CCR5AS: variants seen among roughly 807,000 people sequenced by gnomAD.
CCR5AS encodes the protein CCR5 antisense RNA.
intron 1 of CCR5AS, among the ~76,000 whole-genome samples, chr3:46,395,050 A>G (rs1215537475): frequency 6.6e-6 from 1 of 152,184 alleles, no homozygotes; most frequent in Non-Finnish European, 1.5e-5. Flanking sequence ...TGCTCTCTCC[A>G]GAATATAGCA....
chr3:46,402,463 A>T (rs1427928022), intron 1 of CCR5AS, among the ~76,000 whole-genome samples: 1 of 152,234 alleles, frequency 6.6e-6, no homozygotes, highest in Non-Finnish European at 1.5e-5. Flanking sequence ...GTTTTTCTAC[A>T]TTTCCCATTA....
chr3:46,373,265 C>T, intron 2 of CCR5AS: 1 of 1,614,156 alleles, frequency 6.2e-7, no homozygotes, highest in Non-Finnish European at 8.5e-7. Flanking sequence ...TCATCATCCT[C>T]CTGACAATCG....
intron 2 of CCR5AS, among the ~76,000 whole-genome samples, chr3:46,389,245 C>T (rs780756528): frequency 2.0e-5 from 3 of 152,154 alleles, no homozygotes; most frequent in East Asian, 3.8e-4. Context: ...TGAGTACTTG[C>T]GACTTCCAGA....
intron 1 of CCR5AS, among the ~76,000 whole-genome samples, chr3:46,399,740 C>A (rs1701990775): frequency 6.6e-6 from 1 of 152,090 alleles, no homozygotes; most frequent in East Asian, 1.9e-4. Flanking sequence ...GAAGTTGGGG[C>A]CTGAGGAGTT....
chr3:46,384,264 C>T (rs1312667190), intron 2 of CCR5AS, among the ~76,000 whole-genome samples: 1 of 152,222 alleles, frequency 6.6e-6, no homozygotes, highest in African/African-American at 2.4e-5. Flanking sequence ...CTGGCCATCC[C>T]ATCCTAATCT....
chr3:46,392,020 C>A (rs1701918325), intron 2 of CCR5AS, among the ~76,000 whole-genome samples: 1 of 152,120 alleles, frequency 6.6e-6, no homozygotes, highest in Admixed American at 6.6e-5. Context: ...AGACCATTTG[C>A]CCATTTTACG....
intron 2 of CCR5AS, chr3:46,373,663 T>C: frequency 6.2e-7 from 1 of 1,614,152 alleles, no homozygotes; most frequent in Non-Finnish European, 8.5e-7. Flanking sequence ...TACAACATTG[T>C]CCTTCTCCTG....
intron 1 of CCR5AS, among the ~76,000 whole-genome samples, chr3:46,395,386 G>C (rs1465124302): frequency 1.3e-5 from 2 of 152,076 alleles, no homozygotes; most frequent in Non-Finnish European, 2.9e-5. Flanking sequence ...GGACTCAATA[G>C]CTCAAGCAGA....
At position 46,394,723 on chromosome 3, in the gene CCR5AS, G is replaced by C. The variant is rs140875860; in HGVS notation, n.164-1671C>G. Reference sequence around the variant, plus strand: ...AGGAAAAGTGTACGTGACAGGAATGGAGGAATTTCTGTGGAAACGGTGTGT... The same window carrying C: ...AGGAAAAGTGTACGTGACAGGAATGCAGGAATTTCTGTGGAAACGGTGTGT... On this transcript the variant is annotated intron_variant and non_coding_transcript_variant, in intron 1 of 3. Transcript: ENST00000451485. 1.5e-3 allele frequency among the ~76,000 whole-genome samples: 236 copies of C among 152,302 alleles called. 2 individuals carry two copies. Among genetic ancestry groups the C allele is most frequent in the African/African-American group, 5.4e-3 (223 of 41,556 alleles).
chr3:46,389,862 CAG>C (rs1185822824), intron 2 of CCR5AS, among the ~76,000 whole-genome samples: 5 of 152,138 alleles, frequency 3.3e-5, no homozygotes. Flanking sequence ...ATTAACTGAA[CAG>C]AGTCTGCAGG....
At chr3:46,370,942 GGCCAGAAGA>G (rs1358780326) in intron 3 of CCR5AS, 3 of 152,112 alleles carry the variant, frequency 2.0e-5, no homozygotes, top group African/African-American at 7.2e-5. Flanking sequence ...CAGCTCATCT[GGCCAGAAGA>G]GCTGAGACAT....
At chr3:46,395,530 T>A (rs1701952725) in intron 1 of CCR5AS, among the ~76,000 whole-genome samples, 1 of 152,068 alleles carries the variant, frequency 6.6e-6, no homozygotes, top group Non-Finnish European at 1.5e-5. Flanking sequence ...CAACGTCAAA[T>A]GTTGCAGAGA....
intron 2 of CCR5AS, among the ~76,000 whole-genome samples, chr3:46,388,077 G>A (rs530710233): frequency 9.9e-5 from 15 of 152,278 alleles, no homozygotes; most frequent in South Asian, 4.1e-4. Flanking sequence ...ATGTATAAGC[G>A]CAGGTCACAG....
In CCR5AS at chr3:46,365,329, G is replaced by A. The variant is rs112441355; in HGVS notation, n.566-284C>T. Among the ~76,000 whole-genome samples, 101 of 152,236 alleles carry A rather than the reference G, an allele frequency of 6.6e-4. 2 individuals are homozygous for A. In the Middle Eastern group the frequency reaches 0.01, roughly 15 times the overall value. On this transcript the variant is annotated intron_variant and non_coding_transcript_variant, in intron 3 of 3. Transcript: ENST00000451485. Reference sequence around the variant, plus strand: ...CAGCCATCAACATCAAAACAAGACCGCCATCCTCTTCAGCAAAAACACTAT... The same window carrying A: ...CAGCCATCAACATCAAAACAAGACCACCATCCTCTTCAGCAAAAACACTAT...
intron 2 of CCR5AS, chr3:46,372,528 C>CACAACA (rs71619644): frequency 1.8e-5 from 3 of 167,900 alleles, no homozygotes; most frequent in African/African-American, 2.4e-5. Flanking sequence ...GACCCTGTCT[C>CACAACA]ACAACAACAA....
intron 2 of CCR5AS, among the ~76,000 whole-genome samples, chr3:46,389,308 A>G (rs1321557248): frequency 6.6e-6 from 1 of 152,186 alleles, no homozygotes; most frequent in Non-Finnish European, 1.5e-5. Flanking sequence ...TTATTCTGGA[A>G]CAGTGAATCC....
intron 2 of CCR5AS, among the ~76,000 whole-genome samples, chr3:46,391,449 C>T (rs756426265): frequency 6.6e-6 from 1 of 152,098 alleles, no homozygotes; most frequent in Non-Finnish European, 1.5e-5. Context: ...ATGTCAGGAG[C>T]AGATTGGGTA....
chr3:46,365,446 A>G (rs1057006326), intron 3 of CCR5AS, among the ~76,000 whole-genome samples: 11 of 152,214 alleles, frequency 7.2e-5, no homozygotes, highest in African/African-American at 2.7e-4. Flanking sequence ...ACATAATACT[A>G]TTGCATACTT....
rs765009973 is a variant in CCR5AS, at chr3:46,373,909, G to T, written n.392-2492C>A. On this transcript the variant is annotated intron_variant and non_coding_transcript_variant, in intron 2 of 3. Transcript: ENST00000451485. ...CAGCAAGAGGCTCCCGAGCGAGCAAGCTCAGTTTACACCCGATCCACTGGG... is the reference window on the plus strand; with the variant it reads ...CAGCAAGAGGCTCCCGAGCGAGCAATCTCAGTTTACACCCGATCCACTGGG... 2.2e-5 allele frequency: 35 copies of T among 1,606,490 alleles called. No homozygotes were observed. In the East Asian group the frequency reaches 6.7e-4, roughly 31 times the overall value.
Sources: gnomAD v4.1 joint callset for allele counts (sites outside exome capture counted in the v4.1 genomes callset) on GRCh38, gnomAD v4.1.1 for gene constraint, MANE v1.5 for transcripts, NCBI Gene and HGNC (gene_info 2026-07-23, HGNC 2026-07-21) for gene names.